The following SOD2 variants were observed in gnomAD, a reference collection of about 807,000 sequenced individuals.
The protein encoded by SOD2 is superoxide dismutase 2, also known as superoxide dismutase [Mn], mitochondrial.
In SOD2, 11 loss-of-function variants were observed where a neutral mutation model predicts 27.0. The ratio of observed to expected loss-of-function variants is 0.41; its 90% CI spans 0.26 to 0.67. The LOEUF (loss-of-function observed/expected upper bound fraction) is 0.67. Ranked by LOEUF, SOD2 falls within the 30% of genes least tolerant of loss-of-function variation. The pLI, the probability that SOD2 is intolerant of heterozygous loss-of-function variation, is 0.34. For synonymous variants in SOD2, 105 were observed against 103.0 expected (o/e 1.02, Z -0.12); for missense variants, 250 against 274.5 (o/e 0.91, Z 0.63).
chr6:159,704,509 C>T (rs1327633936), intron 1 of SOD2, among the ~76,000 whole-genome samples: 1 of 152,234 alleles, frequency 6.6e-6, no homozygotes, highest in Admixed American at 6.5e-5. Flanking sequence ...GTGCCACGCC[C>T]ATGGAGCCTT....
chr6:159,718,885 T>C (rs1777973638), intron 1 of SOD2, among the ~76,000 whole-genome samples: 1 of 152,236 alleles, frequency 6.6e-6, no homozygotes, highest in Non-Finnish European at 1.5e-5. Context: ...TGAAACAGCA[T>C]GACATGGTCA....
In SOD2 at chr6:159,683,776, C is replaced by T. The variant is rs112678006; in HGVS notation, c.523+1078G>A. On this transcript the variant is annotated intron_variant, in intron 4 of 4. Coordinates refer to ENST00000538183, the MANE Select transcript of SOD2 (RefSeq NM_000636.4). ...ACCTGACTCTACAGATCGGTGCTTA[C>T]AAATTTTTTGTGGCTTTTACAAATT... Among the ~76,000 whole-genome samples, 725 of 152,242 alleles carry T rather than the reference C, an allele frequency of 4.8e-3. 1 individual carries two copies. The highest frequency in any genetic ancestry group is 0.017 in the African/African-American group (695 of 41,542).
intron 1 of SOD2, chr6:159,736,252 T>A: frequency 6.3e-7 from 1 of 1,597,544 alleles, no homozygotes; most frequent in Non-Finnish European, 8.5e-7. Flanking sequence ...CAACTTTTTT[T>A]TTTAGGATTC....
chr6:159,741,902 T>C, intron 1 of SOD2: 1 of 482,102 alleles, frequency 2.1e-6, no homozygotes, highest in Non-Finnish European at 3.7e-6. Flanking sequence ...CCAGACCCTG[T>C]TTGCGCCACG....
chr6:159,755,187 C>T (rs750134900), intron 1 of SOD2: 12 of 1,614,170 alleles, frequency 7.4e-6, no homozygotes, highest in Non-Finnish European at 1.0e-5. Flanking sequence ...AGGACTACAG[C>T]TTCTGAACCT....
chr6:159,707,900 C>T (rs1189098442), intron 1 of SOD2, among the ~76,000 whole-genome samples: 1 of 152,152 alleles, frequency 6.6e-6, no homozygotes, highest in Non-Finnish European at 1.5e-5. Flanking sequence ...TCCAGCAGCA[C>T]ATCCAAAAGT....
intron 2 of SOD2, chr6:159,691,658 T>A (rs538397141): frequency 2.0e-5 from 3 of 150,682 alleles, no homozygotes; most frequent in African/African-American, 7.3e-5. Context: ...AACATTCCCA[T>A]ACACACCCCC....
intron 1 of SOD2, among the ~76,000 whole-genome samples, chr6:159,702,654 CAAAAAAAAAAAAAA>C (rs750073120): frequency 5.0e-5 from 2 of 39,834 alleles, no homozygotes; most frequent in South Asian, 1.6e-3. Flanking sequence ...TCTATCTCTC[CAAAAAAAAAAAAAA>C]AAAAAAAAAA....
intron 2 of SOD2, chr6:159,690,847 CTT>C (rs1157291130): frequency 6.6e-6 from 1 of 152,068 alleles, no homozygotes; most frequent in East Asian, 1.9e-4. Context: ...TTTAAGAACA[CTT>C]TTCTGAAATT....
chr6:159,687,902 T>G (rs1376842558), intron 3 of SOD2, among the ~76,000 whole-genome samples: 1 of 151,944 alleles, frequency 6.6e-6, no homozygotes, highest in Non-Finnish European at 1.5e-5. Flanking sequence ...TCCCAGCTAC[T>G]TGGGAGGCTG....
chr6:159,712,891 A>G, intron 1 of SOD2: 1 of 640,870 alleles, frequency 1.6e-6, no homozygotes, highest in Non-Finnish European at 2.9e-6. Flanking sequence ...TGTGTTCATA[A>G]ACCCCCCTAC....
chr6:159,743,669 T>C, intron 1 of SOD2: 1 of 1,595,694 alleles, frequency 6.3e-7, no homozygotes, highest in South Asian at 1.2e-5. Flanking sequence ...CATCAGCTAA[T>C]GATGTAACTG....
chr6:159,753,532 G>C, intron 1 of SOD2: 1 of 1,614,208 alleles, frequency 6.2e-7, no homozygotes, highest in Non-Finnish European at 8.5e-7. Flanking sequence ...GAAGGCAGCT[G>C]TCCCAGGGAC....
At chr6:159,689,013 G>T (rs1780322848) in intron 2 of SOD2, among the ~76,000 whole-genome samples, 1 of 152,194 alleles carries the variant, frequency 6.6e-6, no homozygotes, top group Non-Finnish European at 1.5e-5. Flanking sequence ...CTCAGTTTTG[G>T]GGGGTGGGGG....
rs899694886 is a variant in SOD2, at chr6:159,726,899, CCT to C, written c.-116+228_-116+229del. 40 of 1,289,008 alleles carry C rather than the reference CCT, an allele frequency of 3.1e-5. No individual in the cohort carries two copies. The African/African-American group carries it at 5.2e-4, about 17-fold the overall frequency. 79.8% of individuals were successfully genotyped at this position (1,289,008 alleles called of 1,614,324 possible). ...AACGCCCGCGGCTCGCCGCCCACGG[CCT>C]CTCTCTTGAGGTGGCACCTGGTCCT... On this transcript the variant is annotated intron_variant, in intron 1 of 2. Transcript: ENST00000401980.
At chr6:159,723,045 C>T (rs1778071097) in intron 1 of SOD2, among the ~76,000 whole-genome samples, 1 of 152,176 alleles carries the variant, frequency 6.6e-6, no homozygotes, top group African/African-American at 2.4e-5. Flanking sequence ...CAACAGCTTC[C>T]AATCAGGCAT....
rs543919969 is a variant in SOD2 at position 159,676,417 on chromosome 6, A to G, written c.*6076T>C. The G allele has an allele frequency of 5.3e-5, 8 of 152,376 alleles. No homozygotes were observed. In the South Asian group the frequency reaches 1.7e-3, roughly 32 times the overall value. 9.4% of individuals were successfully genotyped at this position (152,376 alleles called of 1,614,324 possible). A position where few individuals can be genotyped will look rare whatever the true frequency, so the allele number is the denominator to read the frequency against. On this transcript the variant is annotated 3_prime_UTR_variant, in exon 5 of 5. Transcript: ENST00000538183. ...ATACACCATGGAATACTATGCAGCC[A>G]TAAAAAAGGAAGAGTTCATGTCCTT...
chr6:159,752,419 TAAAGA>T (rs1355432811), intron 1 of SOD2, among the ~76,000 whole-genome samples: 1 of 152,236 alleles, frequency 6.6e-6, no homozygotes, highest in Non-Finnish European at 1.5e-5. Flanking sequence ...TTGCTGAGGC[TAAAGA>T]AAAGCAGTAA....
intron 1 of SOD2, among the ~76,000 whole-genome samples, chr6:159,725,323 A>C: frequency 6.6e-6 from 1 of 152,112 alleles, no homozygotes; most frequent in Non-Finnish European, 1.5e-5. Context: ...TCTATTAAAA[A>C]TACAAAAATC....
Sources: allele counts gnomAD v4.1 joint callset (sites outside exome capture counted in the v4.1 genomes callset), GRCh38; gene constraint gnomAD v4.1.1; transcripts MANE v1.5; gene names NCBI Gene and HGNC (gene_info 2026-07-23, HGNC 2026-07-21).